GRIN2B: variants seen among roughly 807,000 people sequenced by gnomAD.
GRIN2B encodes the protein glutamate receptor ionotropic, NMDA 2B.
In GRIN2B, 5 loss-of-function variants were observed where a neutral mutation model predicts 114.5. That is an observed-to-expected ratio of 0.04 (90% CI 0.02 to 0.09). GRIN2B has a LOEUF of 0.09. GRIN2B is among the 10% of genes least tolerant of loss of function. The pLI is 1.00. For synonymous variants in GRIN2B, 787 were observed against 745.1 expected, an observed-to-expected ratio of 1.06 and a Z score of -0.92; for missense variants, 1,108 against 1,943.5, an observed-to-expected ratio of 0.57 and a Z score of 8.08.
intron 3 of GRIN2B, among the ~76,000 whole-genome samples, chr12:13,839,553 C>T (rs1459330172): frequency 6.6e-6 from 1 of 152,196 alleles, no homozygotes; most frequent in African/African-American, 2.4e-5. Flanking sequence ...TATCTCATTT[C>T]AGTCATTACA....
At chr12:13,917,401 A>AC (rs1434497366) in intron 2 of GRIN2B, among the ~76,000 whole-genome samples, 1 of 151,820 alleles carries the variant, frequency 6.6e-6, no homozygotes, top group Admixed American at 6.6e-5. Flanking sequence ...GGAGCTGGAG[A>AC]CCCTCTGGGT....
chr12:13,841,185 T>C (rs1444559188), intron 3 of GRIN2B, among the ~76,000 whole-genome samples: 1 of 152,136 alleles, frequency 6.6e-6, no homozygotes. Context: ...GGAGATGCAA[T>C]TCTCATTGTA....
At chr12:13,796,845 G>A (rs1051618578) in intron 3 of GRIN2B, among the ~76,000 whole-genome samples, 1 of 152,040 alleles carries the variant, frequency 6.6e-6, no homozygotes, top group Non-Finnish European at 1.5e-5. Flanking sequence ...ACACAAATTC[G>A]GTGGCAAAAT....
intron 3 of GRIN2B, among the ~76,000 whole-genome samples, chr12:13,821,965 G>T (rs931316730): frequency 1.3e-5 from 2 of 152,072 alleles, no homozygotes; most frequent in Admixed American, 1.3e-4. Flanking sequence ...AAATATTCTC[G>T]ATCTCAGCCA....
chr12:13,877,570 C>T (rs1866009079), intron 2 of GRIN2B, among the ~76,000 whole-genome samples: 1 of 152,182 alleles, frequency 6.6e-6, no homozygotes, highest in African/African-American at 2.4e-5. Context: ...TCTCTCCTTT[C>T]TCCCAAATTA....
At chr12:13,655,050 A>C (rs1391711532) in intron 5 of GRIN2B, among the ~76,000 whole-genome samples, 1 of 152,158 alleles carries the variant, frequency 6.6e-6, no homozygotes, top group Admixed American at 6.5e-5. Context: ...TATGAGTAAA[A>C]GAAGTGAATT....
chr12:13,847,378 C>T (rs1351309880), intron 3 of GRIN2B, among the ~76,000 whole-genome samples: 1 of 152,068 alleles, frequency 6.6e-6, no homozygotes, highest in Admixed American at 6.6e-5. Flanking sequence ...GGCATTATGT[C>T]CTTGGGTGGC....
intron 2 of GRIN2B, among the ~76,000 whole-genome samples, chr12:13,935,839 A>C (rs1033090457): frequency 2.0e-5 from 3 of 152,208 alleles, no homozygotes; most frequent in African/African-American, 7.2e-5. Flanking sequence ...TGGACAAAAG[A>C]TGTGAGGCAA....
chr12:13,711,085 C>A (rs1950410174), intron 4 of GRIN2B, among the ~76,000 whole-genome samples: 1 of 152,110 alleles, frequency 6.6e-6, no homozygotes, highest in Non-Finnish European at 1.5e-5. Flanking sequence ...ATATCTACAA[C>A]CATCTGATCT....
intron 2 of GRIN2B, among the ~76,000 whole-genome samples, chr12:13,887,775 ACTGATG>A (rs752535609): frequency 1.3e-5 from 2 of 152,226 alleles, no homozygotes; most frequent in Non-Finnish European, 1.5e-5. Flanking sequence ...GAGAGGGACA[ACTGATG>A]CCTCCATGGG....
chr12:13,562,638 A>T lies in GRIN2B; in HGVS notation c.*145T>A. On this transcript the variant is annotated 3_prime_UTR_variant, in exon 14 of 14. Coordinates refer to ENST00000609686, the MANE Select transcript of GRIN2B (RefSeq NM_000834.5). The stretch of plus-strand genomic sequence containing the variant: ...ACCAGGGTTGCCCCCAGTAGGAACC[A>T]GAACTCCAGGATCCCATAAATAAAT... 1.3e-6 allele frequency: 1 copy of T among 748,068 alleles called. No homozygotes were observed. 46.3% of individuals were successfully genotyped at this position (748,068 alleles called of 1,614,324 possible).
intron 3 of GRIN2B, among the ~76,000 whole-genome samples, chr12:13,832,850 T>C (rs1479609046): frequency 1.3e-5 from 2 of 152,170 alleles, no homozygotes; most frequent in Non-Finnish European, 2.9e-5. Flanking sequence ...TTTGAGGCTT[T>C]TATTGCCAAA....
At chr12:13,929,008 T>C (rs1247749943) in intron 2 of GRIN2B, among the ~76,000 whole-genome samples, 1 of 152,240 alleles carries the variant, frequency 6.6e-6, no homozygotes, top group Admixed American at 6.5e-5. Context: ...GTATGTATTA[T>C]GATTTTTCCC....
At chr12:13,748,522 C>T (rs1310810088) in intron 4 of GRIN2B, among the ~76,000 whole-genome samples, 1 of 152,168 alleles carries the variant, frequency 6.6e-6, no homozygotes, top group Non-Finnish European at 1.5e-5. Context: ...GTTTGGAAAA[C>T]TTACCTAATC....
At chr12:13,795,374 C>T (rs1217407266) in intron 3 of GRIN2B, among the ~76,000 whole-genome samples, 13 of 91,514 alleles carry the variant, frequency 1.4e-4, no homozygotes, top group Middle Eastern at 6.6e-3. Context: ...GATGCAGTGG[C>T]GAAAAAAAAA....
At chr12:13,700,962 A>G (rs1950306434) in intron 4 of GRIN2B, among the ~76,000 whole-genome samples, 1 of 152,192 alleles carries the variant, frequency 6.6e-6, no homozygotes, top group African/African-American at 2.4e-5. Context: ...ATTTTTAAAG[A>G]AAAAGATTTA....
chr12:13,922,327 C>T (rs755850549), intron 2 of GRIN2B, among the ~76,000 whole-genome samples: 25 of 152,126 alleles, frequency 1.6e-4, no homozygotes, highest in Admixed American at 6.5e-4. Context: ...CTCAAACCCC[C>T]GCTTCCACAA....
chr12:13,963,457 C>A (rs1027760719), intron 2 of GRIN2B, among the ~76,000 whole-genome samples: 2 of 152,166 alleles, frequency 1.3e-5, no homozygotes, highest in African/African-American at 4.8e-5. Context: ...TGGAGAAGGC[C>A]AGCAAGGACC....
At chr12:13,840,315 A>G (rs1865356292) in intron 3 of GRIN2B, among the ~76,000 whole-genome samples, 1 of 152,210 alleles carries the variant, frequency 6.6e-6, no homozygotes. Context: ...AAACAGCAGA[A>G]TAAAATAGGT....
Sources: allele counts gnomAD v4.1 joint callset (sites outside exome capture counted in the v4.1 genomes callset), GRCh38; gene constraint gnomAD v4.1.1; transcripts MANE v1.5; gene names NCBI Gene and HGNC (gene_info 2026-07-23, HGNC 2026-07-21).